HBP1: variants seen among roughly 807,000 people sequenced by gnomAD.
HBP1 encodes the protein HMG box-containing protein 1.
In HBP1, 20 loss-of-function variants were observed where a neutral mutation model predicts 62.6. The observed-to-expected ratio is 0.32, with a 90% CI of 0.22 to 0.46. The LOEUF is 0.46. HBP1 is among the 20% of genes least tolerant of loss of function. HBP1 has a pLI of 1.00. For synonymous variants in HBP1, 232 were observed against 206.2 expected (o/e 1.12, Z -1.07); for missense variants, 480 against 611.8 (o/e 0.78, Z 2.27).
At chr7:107,181,562 T>C (rs1402867702) in intron 2 of HBP1, among the ~76,000 whole-genome samples, 1 of 151,934 alleles carries the variant, frequency 6.6e-6, no homozygotes, top group African/African-American at 2.4e-5. Flanking sequence ...ATACATACTT[T>C]TATAGTGACA....
intron 9 of HBP1, among the ~76,000 whole-genome samples, chr7:107,198,607 A>AAAC (rs1798044609): frequency 6.6e-6 from 1 of 152,180 alleles, no homozygotes; most frequent in Non-Finnish European, 1.5e-5. Context: ...ACCTATCTCT[A>AAAC]AACTGAATGG....
At chr7:107,172,176 T>C (rs545334285) in intron 1 of HBP1, among the ~76,000 whole-genome samples, 1 of 152,238 alleles carries the variant, frequency 6.6e-6, no homozygotes, top group African/African-American at 2.4e-5. Flanking sequence ...TTTTTAAAAG[T>C]TATTGATCAT....
chr7:107,169,109 G>A lies in HBP1; in HGVS notation c.-92G>A. ...GCGGGGGAGGCCGACGTCGGTCGGAGAGGGGGTACGAGAGCTGCTGGTGGT... is the reference window on the plus strand; with the variant it reads ...GCGGGGGAGGCCGACGTCGGTCGGAAAGGGGGTACGAGAGCTGCTGGTGGT... On this transcript the variant is annotated 5_prime_UTR_variant, in exon 1 of 11. Coordinates refer to ENST00000222574, the MANE Select transcript of HBP1 (RefSeq NM_012257.4). 1.6e-6 allele frequency: 2 copies of A among 1,275,434 alleles called. No homozygotes were observed. Among genetic ancestry groups the A allele is most frequent in the Non-Finnish European group, 2.0e-6 (2 of 981,006 alleles). The allele number at this position is 1,275,434 out of a possible 1,614,324, so 79.0% of individuals were successfully genotyped here.
intron 1 of HBP1, chr7:107,169,601 G>C (rs747378254): frequency 2.1e-4 from 57 of 276,738 alleles, no homozygotes; most frequent in Middle Eastern, 1.8e-3. Flanking sequence ...GGCCAGGGGT[G>C]GGGGGCTGGC....
In HBP1 at chr7:107,170,809, C is replaced by G. The variant is rs1325299800; in HGVS notation, c.-16+1624C>G. Among the ~76,000 whole-genome samples the G allele has an allele frequency of 2.1e-4, 31 of 150,144 alleles. 1 individual carries two copies. Among genetic ancestry groups the G allele is most frequent in the Non-Finnish European group, 7.5e-5 (5 of 67,024 alleles). The stretch of plus-strand genomic sequence containing the variant: ...CCCTAGTTAAAAGGGTACCTTCTCC[C>G]AGGATTGCCCACCTACATGTCTCCG... On this transcript the variant is annotated intron_variant, in intron 1 of 10. Coordinates refer to ENST00000222574, the MANE Select transcript of HBP1 (RefSeq NM_012257.4).
At position 107,190,321 on chromosome 7, in the gene HBP1, A is replaced by C; in HGVS notation, c.1067+4A>C. 1 of 1,592,892 alleles carries C rather than the reference A, an allele frequency of 6.3e-7. No individual in the cohort carries two copies. The highest frequency in any genetic ancestry group is 8.6e-7 in the Non-Finnish European group (1 of 1,165,134). ...GTGTTTTTGATACATTTAAAAGGTAATATTGGATTAATTCTTTGTTTTATT... is the reference window on the plus strand; with the variant it reads ...GTGTTTTTGATACATTTAAAAGGTACTATTGGATTAATTCTTTGTTTTATT... On this transcript the variant is annotated splice_donor_region_variant and intron_variant, in intron 8 of 10. Coordinates refer to ENST00000222574, the MANE Select transcript of HBP1 (RefSeq NM_012257.4).
intron 9 of HBP1, among the ~76,000 whole-genome samples, chr7:107,199,767 T>C (rs1047176659): frequency 6.6e-6 from 1 of 152,252 alleles, no homozygotes; most frequent in African/African-American, 2.4e-5. Context: ...TTTGAGTTTA[T>C]CCAGTTTTCT....
chr7:107,187,749 G>A (rs568067708), intron 6 of HBP1, among the ~76,000 whole-genome samples: 69 of 152,270 alleles, frequency 4.5e-4, no homozygotes, highest in Non-Finnish European at 9.0e-4. Context: ...GACGTCGTTT[G>A]TTCTGTTTGA....
At chr7:107,175,506 C>T (rs1296433672) in intron 1 of HBP1, among the ~76,000 whole-genome samples, 1 of 152,060 alleles carries the variant, frequency 6.6e-6, no homozygotes, top group Non-Finnish European at 1.5e-5. Context: ...AATAGTTTTC[C>T]TAAACTACAA....
chr7:107,201,921 C>CCAAA lies in HBP1; in HGVS notation c.*493_*496dup, dbSNP rs1798348723. The stretch of plus-strand genomic sequence containing the variant: ...ACCACCACATGGCTCAGCATCTGTG[C>CCAAA]CAAACATAGGCGCTCCTAGTCTGGT... On this transcript the variant is annotated 3_prime_UTR_variant, in exon 11 of 11. Transcript: ENST00000222574. 1 of 152,930 alleles carries CCAAA rather than the reference C, an allele frequency of 6.5e-6. No homozygotes were observed. Among genetic ancestry groups the CCAAA allele is most frequent in the African/African-American group, 2.4e-5 (1 of 41,450 alleles). The allele number at this position is 152,930 out of a possible 1,614,324, so 9.5% of individuals were successfully genotyped here. A position where few individuals can be genotyped will look rare whatever the true frequency, so the allele number is the denominator to read the frequency against.
intron 1 of HBP1, among the ~76,000 whole-genome samples, chr7:107,176,361 T>C (rs1796851483): frequency 6.6e-6 from 1 of 152,162 alleles, no homozygotes; most frequent in Non-Finnish European, 1.5e-5. Flanking sequence ...CAAGTCCTGC[T>C]CTGTAGAACT....
chr7:107,180,174 G>A (rs1584482292), intron 2 of HBP1, 112 bp downstream of exon 2: 1 of 563,158 alleles, frequency 1.8e-6, no homozygotes, highest in Non-Finnish European at 3.1e-6. Context: ...TGAAGTATTT[G>A]TATATTAGGA....
chr7:107,201,325 A>G (rs1798279843), intron 10 of HBP1, 89 bp from the exon 11 acceptor site: 3 of 753,270 alleles, frequency 4.0e-6, no homozygotes, highest in Non-Finnish European at 6.6e-6. Flanking sequence ...TAGTAAATTT[A>G]TAAACATCTT....
chr7:107,171,801 A>G (rs111865019), intron 1 of HBP1, among the ~76,000 whole-genome samples: 31,016 of 149,056 alleles, frequency 0.21, 3,936 homozygotes, highest in East Asian at 0.31. Context: ...CAGAGATTGC[A>G]GTGAGACAAG....
chr7:107,170,978 CAT>C (rs1796534301), intron 1 of HBP1, among the ~76,000 whole-genome samples: 1 of 133,386 alleles, frequency 7.5e-6, no homozygotes, highest in African/African-American at 2.9e-5. Context: ...ATATAACATA[CAT>C]GTATATATAT....
intron 1 of HBP1, among the ~76,000 whole-genome samples, chr7:107,173,949 CAA>C (rs1355444186): frequency 6.6e-6 from 1 of 152,138 alleles, no homozygotes; most frequent in Non-Finnish European, 1.5e-5. Flanking sequence ...GCTTGTTTAT[CAA>C]AATGAGTATG....
intron 1 of HBP1, chr7:107,173,390 T>C (rs1157761794): frequency 6.6e-6 from 1 of 152,202 alleles, no homozygotes; most frequent in Non-Finnish European, 1.5e-5. Context: ...ATTCAGGGAA[T>C]AATAGGCACT....
intron 3 of HBP1, among the ~76,000 whole-genome samples, chr7:107,184,793 C>T (rs1797277475): frequency 6.6e-6 from 1 of 152,200 alleles, no homozygotes; most frequent in African/African-American, 2.4e-5. Context: ...GGATTACAGG[C>T]ATGAGCCACT....
At chr7:107,178,135 G>C (rs980490530) in intron 1 of HBP1, among the ~76,000 whole-genome samples, 17 of 152,170 alleles carry the variant, frequency 1.1e-4, no homozygotes, top group Admixed American at 8.5e-4. Flanking sequence ...ATATGTTGTT[G>C]CAAAAGTCAG....
Sources: allele counts gnomAD v4.1 joint callset (sites outside exome capture counted in the v4.1 genomes callset), GRCh38; gene constraint gnomAD v4.1.1; transcripts MANE v1.5; gene names NCBI Gene and HGNC (gene_info 2026-07-23, HGNC 2026-07-21).